The following ROBO2 variants were observed in gnomAD, a reference collection of about 807,000 sequenced individuals.
The protein encoded by ROBO2 is roundabout homolog 2.
A neutral mutation model predicts 160.8 loss-of-function variants in ROBO2; 53 were observed. That is an observed-to-expected ratio of 0.33 (90% CI 0.26 to 0.41). The LOEUF is 0.41. Among genes scored for constraint, ROBO2 ranks in the 10% least tolerant of loss-of-function variants. ROBO2 has a pLI of 1.00. For synonymous variants in ROBO2, 664 were observed against 611.7 expected (o/e 1.09, Z -1.26); for missense variants, 1,577 against 1,722.4 (o/e 0.92, Z 1.49).
At chr3:77,630,079 A>G (rs2095125907) in intron 23 of ROBO2, 1 of 152,192 alleles carries the variant, frequency 6.6e-6, no homozygotes, top group Admixed American at 6.5e-5. Flanking sequence ...CAGAAATGGC[A>G]TTTAATTTAG....
intron 2 of ROBO2, among the ~76,000 whole-genome samples, chr3:76,809,333 T>C (rs1229031602): frequency 6.6e-6 from 1 of 152,046 alleles, no homozygotes; most frequent in Non-Finnish European, 1.5e-5. Context: ...GGCCAGTGAG[T>C]GGAGTCTCTG....
intron 2 of ROBO2, among the ~76,000 whole-genome samples, chr3:77,416,474 T>G (rs2077230804): frequency 6.6e-6 from 1 of 152,014 alleles, no homozygotes; most frequent in South Asian, 2.1e-4. Context: ...ATCCCAGCAC[T>G]TTAGGAGACT....
chr3:77,485,203 T>G (rs1044888765), intron 4 of ROBO2, among the ~76,000 whole-genome samples: 9 of 152,132 alleles, frequency 5.9e-5, no homozygotes, highest in African/African-American at 2.2e-4. Flanking sequence ...AACTTCTTTC[T>G]GCTTGGCTGA....
chr3:76,670,307 A>C (rs2092216683), intron 2 of ROBO2, among the ~76,000 whole-genome samples: 1 of 142,912 alleles, frequency 7.0e-6, no homozygotes, highest in African/African-American at 2.7e-5. Context: ...AGAATGACAT[A>C]AATCCTGTAG....
chr3:77,389,816 A>T (rs1269249522), intron 2 of ROBO2, among the ~76,000 whole-genome samples: 7 of 151,918 alleles, frequency 4.6e-5, no homozygotes, highest in Admixed American at 1.3e-4. Flanking sequence ...CTTTGTATTC[A>T]TTTAGGAGTG....
At chr3:76,004,962 G>A (rs180782153) in intron 2 of ROBO2, among the ~76,000 whole-genome samples, 1 of 152,294 alleles carries the variant, frequency 6.6e-6, no homozygotes, top group African/African-American at 2.4e-5. Flanking sequence ...CCCAATGGGA[G>A]GTGTTTAGGT....
At chr3:76,625,516 G>A (rs555062033) in intron 2 of ROBO2, among the ~76,000 whole-genome samples, 2 of 149,318 alleles carry the variant, frequency 1.3e-5, no homozygotes, top group South Asian at 2.1e-4. Flanking sequence ...GTGGTATTAC[G>A]TGCAGCAGGA....
intron 2 of ROBO2, among the ~76,000 whole-genome samples, chr3:77,327,707 G>C (rs2065554248): frequency 6.6e-6 from 1 of 152,084 alleles, no homozygotes; most frequent in Non-Finnish European, 1.5e-5. Context: ...ATGGAGCAAT[G>C]AAATTTCAAA....
At chr3:76,195,637 G>T (rs1485915268) in intron 2 of ROBO2, among the ~76,000 whole-genome samples, 4 of 152,266 alleles carry the variant, frequency 2.6e-5, no homozygotes, top group African/African-American at 7.2e-5. Flanking sequence ...AAGGATGAAG[G>T]GGATGCTTAG....
intron 2 of ROBO2, among the ~76,000 whole-genome samples, chr3:76,215,504 G>A (rs560934530): frequency 9.9e-4 from 151 of 152,308 alleles, no homozygotes; most frequent in African/African-American, 3.1e-3. Flanking sequence ...CGGGATCTAC[G>A]TGACAAATGC....
intron 1 of ROBO2, among the ~76,000 whole-genome samples, chr3:75,922,272 T>G (rs2106841624): frequency 6.6e-6 from 1 of 152,222 alleles, no homozygotes; most frequent in South Asian, 2.1e-4. Context: ...CAAATACACT[T>G]TTTCAGAATA....
intron 2 of ROBO2, among the ~76,000 whole-genome samples, chr3:76,499,482 T>C (rs1440519715): frequency 1.3e-5 from 2 of 152,206 alleles, no homozygotes; most frequent in African/African-American, 4.8e-5. Flanking sequence ...AAATAACATA[T>C]GGCTTGACTT....
At chr3:76,076,884 G>A (rs186399769) in intron 2 of ROBO2, among the ~76,000 whole-genome samples, 5 of 152,198 alleles carry the variant, frequency 3.3e-5, no homozygotes, top group South Asian at 2.1e-4. Flanking sequence ...TTGTACTGTC[G>A]AACTAGCCCT....
chr3:76,895,414 ATAAG>A (rs1295314333), intron 2 of ROBO2, among the ~76,000 whole-genome samples: 4 of 152,044 alleles, frequency 2.6e-5, no homozygotes, highest in Admixed American at 6.6e-5. Context: ...GCTGTCATAA[ATAAG>A]TATTATATTT....
intron 2 of ROBO2, among the ~76,000 whole-genome samples, chr3:76,753,986 T>C (rs527403172): frequency 2.0e-4 from 31 of 151,986 alleles, no homozygotes; most frequent in Admixed American, 1.6e-3. Context: ...ATAAAACCTA[T>C]ATAAATCAGT....
At position 77,219,184 on chromosome 3, in the gene ROBO2, G is replaced by A. The variant is rs564325894; in HGVS notation, c.388+120844G>A. Reference sequence around the variant, plus strand: ...GGGGTTTCACCATGTTGGCAAGGCTGGTCTCGAACTCAGCACCTCAAGTCA... The same window carrying A: ...GGGGTTTCACCATGTTGGCAAGGCTAGTCTCGAACTCAGCACCTCAAGTCA... On this transcript the variant is annotated intron_variant, in intron 2 of 25. Coordinates refer to ENST00000461745, the Ensembl canonical transcript of ROBO2. Among the ~76,000 whole-genome samples the A allele has an allele frequency of 1.9e-4, 29 of 151,708 alleles. 1 individual carries two copies. The highest frequency in any genetic ancestry group is 6.3e-4 in the African/African-American group (26 of 41,362).
At position 75,937,405 on chromosome 3, in the gene ROBO2, T is replaced by C. The variant is rs1947832101; in HGVS notation, c.-13-76T>C. 1.2e-5 allele frequency: 8 copies of C among 695,254 alleles called. No homozygotes were observed. In the East Asian group the frequency reaches 2.5e-4, roughly 21 times the overall value. The allele number at this position is 695,254 out of a possible 1,614,324, so 43.1% of individuals were successfully genotyped here. ...AGAAATGCACAATGCATATTAGATA[T>C]GGGATTTGAGTCGTAGTATATTTCT... On this transcript the variant is annotated intron_variant, in intron 1 of 26. Coordinates refer to the ROBO2 transcript ENST00000487694.
intron 2 of ROBO2, among the ~76,000 whole-genome samples, chr3:77,169,963 A>T (rs2079474119): frequency 6.6e-6 from 1 of 152,032 alleles, no homozygotes; most frequent in Admixed American, 6.6e-5. Flanking sequence ...CTTTCTTTGT[A>T]CCTAACTCTG....
intron 2 of ROBO2, among the ~76,000 whole-genome samples, chr3:76,546,325 C>T (rs1348872672): frequency 6.6e-6 from 1 of 151,808 alleles, no homozygotes; most frequent in Non-Finnish European, 1.5e-5. Context: ...CAAATTCTTC[C>T]TGTTAACTAA....
Sources: allele counts gnomAD v4.1 joint callset (sites outside exome capture counted in the v4.1 genomes callset), GRCh38; gene constraint gnomAD v4.1.1; transcripts MANE v1.5; gene names NCBI Gene and HGNC (gene_info 2026-07-23, HGNC 2026-07-21).